Variants in MYO9A observed in about 807,000 individuals in gnomAD.
MYO9A encodes myosin IXA.
Under a neutral mutation model 293.3 loss-of-function variants are expected in MYO9A, and 103 were observed. That is an observed-to-expected ratio of 0.35 (90% CI 0.30 to 0.41). MYO9A has a LOEUF of 0.41. Ranked by LOEUF, MYO9A falls within the 10% of genes least tolerant of loss-of-function variation. The pLI, the probability that MYO9A is intolerant of heterozygous loss-of-function variation, is 1.00. For missense variants in MYO9A, 2,685 were observed against 3,033.0 expected (o/e 0.89, Z 2.69); for synonymous variants, 1,001 against 1,035.7 (o/e 0.97, Z 0.64).
chr15:72,064,604 A>G (rs1476995818), intron 1 of MYO9A, among the ~76,000 whole-genome samples: 4 of 152,220 alleles, frequency 2.6e-5, no homozygotes, highest in Non-Finnish European at 5.9e-5. Flanking sequence ...CTCATACTGA[A>G]CATTTATGAT....
chr15:71,947,283 G>GAA (rs33945561), intron 15 of MYO9A, among the ~76,000 whole-genome samples: 86,412 of 127,352 alleles, frequency 0.68, 29,239 homozygotes, highest in Non-Finnish European at 0.73. Context: ...TCCATCTCAG[G>GAA]AAAAAAAAAA....
At chr15:71,900,134 G>T in intron 23 of MYO9A, 128 bp from the exon 24 acceptor site, 1 of 1,026,276 alleles carries the variant, frequency 9.7e-7, no homozygotes, top group Non-Finnish European at 1.4e-6. Flanking sequence ...AATTCTTGGT[G>T]ATTAAAAATA....
chr15:72,078,865 T>A (rs1275847869), intron 1 of MYO9A, among the ~76,000 whole-genome samples: 1 of 151,984 alleles, frequency 6.6e-6, no homozygotes, highest in African/African-American at 2.4e-5. Flanking sequence ...GCTAAGTAAA[T>A]CCAAAAAGCC....
chr15:72,087,405 A>C (rs547714621), intron 1 of MYO9A, among the ~76,000 whole-genome samples: 3 of 152,166 alleles, frequency 2.0e-5, no homozygotes, highest in African/African-American at 7.2e-5. Context: ...ACCACTTTTC[A>C]AGTGTGCTTG....
intron 26 of MYO9A, among the ~76,000 whole-genome samples, chr15:71,888,948 G>T (rs776692059): frequency 2.0e-5 from 3 of 152,176 alleles, no homozygotes; most frequent in Admixed American, 2.0e-4. Context: ...ATATGAAACC[G>T]CAATGTTTAA....
intron 17 of MYO9A, among the ~76,000 whole-genome samples, chr15:71,934,653 T>C (rs566377590): frequency 2.9e-4 from 44 of 151,680 alleles, no homozygotes; most frequent in African/African-American, 1.0e-3. Context: ...CAGGCTGAAG[T>C]GCAATGGCAA....
chr15:71,972,878 T>C (rs1347660005), intron 12 of MYO9A, among the ~76,000 whole-genome samples: 1 of 152,134 alleles, frequency 6.6e-6, no homozygotes, highest in Non-Finnish European at 1.5e-5. Flanking sequence ...CAGTGGAATT[T>C]AGAGATGGTT....
At chr15:71,830,343 T>C (rs2054671844) in intron 39 of MYO9A, 32 bp from the exon 40 acceptor site, 5 of 1,593,538 alleles carry the variant, frequency 3.1e-6, no homozygotes, top group South Asian at 2.2e-5. Context: ...AGAAAGTAAA[T>C]TGAGTGACTG....
chr15:71,956,328 AAAATATATAT>A lies in MYO9A; in HGVS notation c.2182+3563_2182+3572del, dbSNP rs1408686426. 6.5e-3 allele frequency among the ~76,000 whole-genome samples: 98 copies of A among 15,184 alleles called. 1 individual carries two copies. Among genetic ancestry groups the A allele is most frequent in the African/African-American group, 0.014 (84 of 5,944 alleles). 10.0% of individuals were successfully genotyped at this position (15,184 alleles called of 152,430 possible). On this transcript the variant is annotated intron_variant, in intron 14 of 41. Coordinates refer to ENST00000356056, the MANE Select transcript of MYO9A (RefSeq NM_006901.4). Reference sequence around the variant, plus strand: ...CGGCTCTTAAAAAAAAAAAAAAAAAAAAATATATATATATATATATATAAAATACGCCCAG... The same window carrying A: ...CGGCTCTTAAAAAAAAAAAAAAAAAAATATATATATATAAAATACGCCCAG...
intron 15 of MYO9A, among the ~76,000 whole-genome samples, chr15:71,942,251 G>T (rs1193405707): frequency 6.6e-6 from 1 of 152,108 alleles, no homozygotes; most frequent in East Asian, 1.9e-4. Flanking sequence ...TTTAGAAAAT[G>T]TAAAACTGAC....
Position 71,899,044 on chromosome 15 carries a change from C to T in MYO9A, c.3471-12G>A, listed in dbSNP as rs1423557565. ...TTAAAGCTTTAAATCTATATAAAAACAGACAAAATGGGTTATAGAAATATC... is the reference window on the plus strand; with the variant it reads ...TTAAAGCTTTAAATCTATATAAAAATAGACAAAATGGGTTATAGAAATATC... On this transcript the variant is annotated splice_polypyrimidine_tract_variant and intron_variant, in intron 24 of 41. Transcript: ENST00000356056. The T allele has an allele frequency of 6.4e-7, 1 of 1,556,962 alleles. No individual in the cohort carries two copies. Among genetic ancestry groups the T allele is most frequent in the East Asian group, 2.3e-5 (1 of 44,428 alleles).
intron 12 of MYO9A, among the ~76,000 whole-genome samples, chr15:71,969,145 G>A (rs527705068): frequency 1.3e-3 from 195 of 152,286 alleles, no homozygotes; most frequent in Non-Finnish European, 2.3e-3. Flanking sequence ...AGTGCCAGTA[G>A]AATTAAATAA....
Position 72,019,101 on chromosome 15 carries a change from A to C in MYO9A, c.1099-6T>G. 6.2e-7 allele frequency: 1 copy of C among 1,612,452 alleles called. No individual in the cohort carries two copies. Among genetic ancestry groups the C allele is most frequent in the Non-Finnish European group, 8.5e-7 (1 of 1,178,534 alleles). ...CTGAGGGGTTTCTTTGTTATCTGAA[A>C]GTAAGGCAGATTAGTTAGGTAGAAG... On this transcript the variant is annotated splice_region_variant and splice_polypyrimidine_tract_variant and intron_variant, in intron 5 of 41. Transcript: ENST00000356056.
At chr15:72,104,870 G>T (rs2080512393) in intron 1 of MYO9A, among the ~76,000 whole-genome samples, 1 of 152,172 alleles carries the variant, frequency 6.6e-6, no homozygotes, top group African/African-American at 2.4e-5. Context: ...AAGTTAAGGG[G>T]AAATGGTACA....
intron 1 of MYO9A, among the ~76,000 whole-genome samples, chr15:72,060,285 A>G (rs1392613501): frequency 6.6e-6 from 1 of 152,118 alleles, no homozygotes; most frequent in Non-Finnish European, 1.5e-5. Flanking sequence ...TGCACTTTGT[A>G]TTAATATATT....
intron 2 of MYO9A, chr15:72,040,012 TG>T: frequency 5.5e-6 from 1 of 182,726 alleles, no homozygotes; most frequent in Non-Finnish European, 1.1e-5. Context: ...AGCAGCAATC[TG>T]GTCTCTCCAT....
At chr15:71,857,423 C>T (rs1170405486) in intron 34 of MYO9A, among the ~76,000 whole-genome samples, 1 of 152,112 alleles carries the variant, frequency 6.6e-6, no homozygotes, top group Non-Finnish European at 1.5e-5. Context: ...TGGATTTTCA[C>T]AAAGACCCAG....
intron 12 of MYO9A, among the ~76,000 whole-genome samples, chr15:71,974,625 TA>T (rs1342269181): frequency 3.3e-5 from 5 of 152,254 alleles, no homozygotes; most frequent in African/African-American, 1.2e-4. Flanking sequence ...CAAGAAACTG[TA>T]ACTACATTTT....
intron 14 of MYO9A, among the ~76,000 whole-genome samples, chr15:71,956,310 TAAAAAAAAAAAA>T (rs869151550): frequency 8.2e-5 from 3 of 36,766 alleles, no homozygotes; most frequent in Admixed American, 6.1e-4. Context: ...ACCCGGCTCT[TAAAAAAAAAAAA>T]AAAAAAAAAT....
Sources: gnomAD v4.1 joint callset for allele counts (sites outside exome capture counted in the v4.1 genomes callset) on GRCh38, gnomAD v4.1.1 for gene constraint, MANE v1.5 for transcripts, NCBI Gene and HGNC (gene_info 2026-07-23, HGNC 2026-07-21) for gene names.